The following SLC37A1 variants were observed in gnomAD, a reference collection of about 807,000 sequenced individuals.
The protein encoded by SLC37A1 is solute carrier family 37 member 1, also known as glucose-6-phosphate exchanger SLC37A1.
A neutral mutation model predicts 75.3 loss-of-function variants in SLC37A1; 49 were observed. The ratio of observed to expected loss-of-function variants is 0.65; its 90% CI spans 0.52 to 0.83. The LOEUF (loss-of-function observed/expected upper bound fraction) is 0.83, where lower values mean the gene tolerates loss of function less well. Among genes scored for constraint, SLC37A1 ranks in the 40% least tolerant of loss-of-function variants. The pLI is 0.00. For synonymous variants in SLC37A1, 268 were observed against 292.1 expected (o/e 0.92, Z 0.84); for missense variants, 566 against 695.0 (o/e 0.81, Z 2.09).
At chr21:42,570,290 C>CATGT (rs2056121610) in intron 17 of SLC37A1, among the ~76,000 whole-genome samples, 11 of 16,996 alleles carry the variant, frequency 6.5e-4, no homozygotes, top group African/African-American at 3.6e-3. Context: ...CGTTGTCATG[C>CATGT]GACACACGGC....
rs953043627 is a variant in SLC37A1 at position 42,548,067 on chromosome 21, TC to T, written c.768+931del. ...TCTCTTCCCTCCCTCTGGGAAAGGC[TC>T]CCCTACCCGGGCTAACATGTTAGTC... On this transcript the variant is annotated intron_variant, in intron 9 of 19. Transcript: ENST00000352133. This position sits in a 1 kb window ranked among gnomAD's most constrained non-coding sequence, Gnocchi z 5.6. Among the ~76,000 whole-genome samples, 6 of 152,088 alleles carry T rather than the reference TC, an allele frequency of 3.9e-5. No individual in the cohort carries two copies. The highest frequency in any genetic ancestry group is 1.4e-4 in the African/African-American group (6 of 41,400).
chr21:42,563,901 G>A (rs746687681), intron 13 of SLC37A1, 24 bp downstream of exon 13: 4 of 1,613,722 alleles, frequency 2.5e-6, no homozygotes, highest in Non-Finnish European at 3.4e-6. Flanking sequence ...GACTTGTTCT[G>A]CTGCAACAAT....
Position 42,552,763 on chromosome 21 carries a change from C to G in SLC37A1, c.769-1299C>G, listed in dbSNP as rs368312438. Among the ~76,000 whole-genome samples, 14 of 152,324 alleles carry G rather than the reference C, an allele frequency of 9.2e-5. 3 individuals are homozygous for G. The highest frequency in any genetic ancestry group is 1.9e-4 in the East Asian group (1 of 5,182). On this transcript the variant is annotated intron_variant, in intron 9 of 19. Transcript: ENST00000352133. The surrounding 1 kb of genome is among the most constrained non-coding windows in gnomAD (Gnocchi z 4.2). ...AAAAGGAATTTTAAGATAGGCTTTG[C>G]CTGAGCACCCACGTTCCTGGCTGAA...
intron 17 of SLC37A1, among the ~76,000 whole-genome samples, chr21:42,570,525 G>T (rs557261056): frequency 1.3e-5 from 2 of 152,316 alleles, no homozygotes; most frequent in East Asian, 3.9e-4. Context: ...GGACTGCGGG[G>T]CTGAGCTCAG....
chr21:42,580,423 A>G lies in SLC37A1; in HGVS notation c.*63A>G. 6.4e-7 allele frequency: 1 copy of G among 1,574,058 alleles called. No homozygotes were observed. The highest frequency in any genetic ancestry group is 1.7e-4 in the Middle Eastern group (1 of 5,932). On this transcript the variant is annotated 3_prime_UTR_variant, in exon 20 of 20. Transcript: ENST00000352133. ...CCCTTCACAACTGCCTTTCAAGGAC[A>G]GTTCAGACAAAGGGCCCTGCATGGA...
intron 11 of SLC37A1, among the ~76,000 whole-genome samples, chr21:42,559,314 G>A (rs896214728): frequency 9.1e-5 from 12 of 131,698 alleles, no homozygotes; most frequent in Non-Finnish European, 1.8e-4. Context: ...TTTGAAATTC[G>A]TTTTCTCCAT....
At chr21:42,534,007 T>G (rs2055065722) in intron 3 of SLC37A1, among the ~76,000 whole-genome samples, 1 of 152,216 alleles carries the variant, frequency 6.6e-6, no homozygotes, top group South Asian at 2.1e-4. Flanking sequence ...AAATCTTCAG[T>G]GTACAGTTTG....
chr21:42,547,121 G>C lies in SLC37A1; in HGVS notation c.749G>C (p.Cys250Ser), dbSNP rs1166985398. ...FLIEHPNDVR[C>S]SSTLVTHSKG... is the part of the protein sequence containing the mutation. Reference sequence around the variant, plus strand: ...CTTTCAGATCCGAACGACGTCAGGTGCTCCTCCACCCTGGTGACGGTAAGG... The same window carrying C: ...CTTTCAGATCCGAACGACGTCAGGTCCTCCTCCACCCTGGTGACGGTAAGG... The change falls in exon 9 of 20, where the codon TGC becomes TCC. Residue 250 changes from cysteine (C) to serine (S), a missense_variant. Coordinates refer to ENST00000352133, the MANE Select transcript of SLC37A1 (RefSeq NM_001320537.2). The surrounding 1 kb of genome is among the most constrained non-coding windows in gnomAD (Gnocchi z 6.1). The C allele has an allele frequency of 6.2e-7, 1 of 1,614,038 alleles. No individual in the cohort carries two copies. The highest frequency in any genetic ancestry group is 1.1e-5 in the South Asian group (1 of 91,086).
intron 2 of SLC37A1, among the ~76,000 whole-genome samples, chr21:42,508,185 A>G (rs1280409214): frequency 1.4e-5 from 2 of 138,762 alleles, no homozygotes; most frequent in Non-Finnish European, 3.0e-5. Flanking sequence ...CTGGAGTGCA[A>G]TGGCGCAATC....
At chr21:42,540,534 G>T (rs2055252505) in intron 6 of SLC37A1, among the ~76,000 whole-genome samples, 1 of 152,210 alleles carries the variant, frequency 6.6e-6, no homozygotes, top group African/African-American at 2.4e-5. Context: ...GAGAACAGGA[G>T]AGATCATGAA....
chr21:42,507,710 T>A (rs1212193346), intron 2 of SLC37A1, among the ~76,000 whole-genome samples: 1 of 152,138 alleles, frequency 6.6e-6, no homozygotes, highest in Non-Finnish European at 1.5e-5. Flanking sequence ...GGAGCAGGCC[T>A]CACATAGTGA....
chr21:42,558,911 C>T lies in SLC37A1; in HGVS notation c.850-47C>T, dbSNP rs753382694. ...CTGGCCCCACTTCACCCAGACTGCC[C>T]GGCTGGTAACACCTTTCCTTTTTGT... On this transcript the variant is annotated intron_variant, in intron 10 of 19. Transcript: ENST00000352133. The T allele has an allele frequency of 6.6e-5, 106 of 1,611,288 alleles. 2 individuals are homozygous for T. In the South Asian group the frequency reaches 9.7e-4, roughly 15 times the overall value.
chr21:42,501,868 TGTG>T (rs2054344972), intron 1 of SLC37A1, among the ~76,000 whole-genome samples: 1 of 152,186 alleles, frequency 6.6e-6, no homozygotes, highest in Non-Finnish European at 1.5e-5. Context: ...AACCAGCAGT[TGTG>T]GTGGGAGATC....
intron 3 of SLC37A1, among the ~76,000 whole-genome samples, chr21:42,526,617 G>GGGTGGCTGCCCTC (rs1357579541): frequency 6.6e-6 from 1 of 152,162 alleles, no homozygotes; most frequent in African/African-American, 2.4e-5. Flanking sequence ...GCTGAGCCCT[G>GGGTGGCTGCCCTC]GGTGGCTGCC....
At chr21:42,523,747 A>T (rs2054711446) in intron 2 of SLC37A1, among the ~76,000 whole-genome samples, 1 of 152,266 alleles carries the variant, frequency 6.6e-6, no homozygotes, top group Non-Finnish European at 1.5e-5. Flanking sequence ...CTGATGAAGA[A>T]GAGAGCACTG....
intron 8 of SLC37A1, among the ~76,000 whole-genome samples, chr21:42,543,861 C>T (rs1435576423): frequency 6.6e-6 from 1 of 152,214 alleles, no homozygotes; most frequent in East Asian, 1.9e-4. Context: ...CTCCCTTGCC[C>T]CGGCATCAGG....
intron 1 of SLC37A1, among the ~76,000 whole-genome samples, chr21:42,501,448 C>T (rs550665921): frequency 1.2e-4 from 19 of 152,318 alleles, no homozygotes; most frequent in Non-Finnish European, 2.2e-4. Context: ...CGGTGGCTCA[C>T]GCCTGTAATC....
chr21:42,518,737 C>T (rs930541777), intron 2 of SLC37A1, among the ~76,000 whole-genome samples: 2 of 152,144 alleles, frequency 1.3e-5, no homozygotes, highest in Non-Finnish European at 2.9e-5. Context: ...TTTGGGCTCC[C>T]GCGTGGTCTC....
At chr21:42,508,830 G>A (rs2054408856) in intron 2 of SLC37A1, among the ~76,000 whole-genome samples, 1 of 152,148 alleles carries the variant, frequency 6.6e-6, no homozygotes, top group South Asian at 2.1e-4. Context: ...CACTGCCAAG[G>A]GGTCTTAGAA....
Sources: allele counts gnomAD v4.1 joint callset (sites outside exome capture counted in the v4.1 genomes callset), GRCh38; gene constraint gnomAD v4.1.1; non-coding constraint Gnocchi (gnomAD v3.1); transcripts MANE v1.5; gene names NCBI Gene and HGNC (gene_info 2026-07-23, HGNC 2026-07-21).